The following EFCAB7 variants were observed in gnomAD, a reference collection of about 807,000 sequenced individuals.
EFCAB7 encodes the protein EF-hand calcium-binding domain-containing protein 7.
EFCAB7 carries 66 observed loss-of-function variants against 77.1 expected under a neutral mutation model. That is an observed-to-expected ratio of 0.86 (90% CI 0.70 to 1.05). EFCAB7 has a LOEUF of 1.05. EFCAB7 is among the 50% of genes least tolerant of loss of function. EFCAB7 has a pLI of 0.00. For missense variants in EFCAB7, 638 were observed against 730.5 expected, an observed-to-expected ratio of 0.87 and a Z score of 1.46; for synonymous variants, 225 against 243.3, an observed-to-expected ratio of 0.92 and a Z score of 0.70.
chr1:63,524,085 A>G (rs1646533419), intron 1 of EFCAB7, among the ~76,000 whole-genome samples: 1 of 152,184 alleles, frequency 6.6e-6, no homozygotes, highest in Non-Finnish European at 1.5e-5. Flanking sequence ...TTCTCGTCAC[A>G]GAAAGGAAAA....
intron 1 of EFCAB7, 35 bp from the exon 2 acceptor site, chr1:63,525,537 A>G (rs775096790): frequency 7.0e-7 from 1 of 1,422,130 alleles, no homozygotes; most frequent in Non-Finnish European, 9.2e-7. Flanking sequence ...AGTGACTCAC[A>G]TTGACAAACA....
the EFCAB7 span, among the ~76,000 whole-genome samples, chr1:63,585,089 T>C: frequency 6.6e-6 from 1 of 152,182 alleles, no homozygotes; most frequent in Non-Finnish European, 1.5e-5. Context: ...GTTATTTCTT[T>C]AAATGTTCAC....
At chr1:63,584,830 GT>G in the EFCAB7 span, among the ~76,000 whole-genome samples, 1 of 152,206 alleles carries the variant, frequency 6.6e-6, no homozygotes, top group Admixed American at 6.5e-5. Flanking sequence ...TAGTAGTTAA[GT>G]TTGGGGGGAG....
intron 8 of EFCAB7, among the ~76,000 whole-genome samples, chr1:63,554,469 A>G (rs1647004655): frequency 6.6e-6 from 1 of 152,144 alleles, no homozygotes; most frequent in African/African-American, 2.4e-5. Context: ...CCTCCCAAGT[A>G]GCTGGGATTA....
At chr1:63,572,196 C>T (rs1047041807) in intron 13 of EFCAB7, among the ~76,000 whole-genome samples, 1 of 152,166 alleles carries the variant, frequency 6.6e-6, no homozygotes, top group African/African-American at 2.4e-5. Flanking sequence ...CTCTTTCCAC[C>T]ACTCTTCTTT....
chr1:63,544,443 C>T (rs553654972), intron 6 of EFCAB7, among the ~76,000 whole-genome samples: 1 of 152,222 alleles, frequency 6.6e-6, no homozygotes, highest in South Asian at 2.1e-4. Flanking sequence ...GACAGAGTCT[C>T]ACTCTGTCAC....
In EFCAB7 at chr1:63,534,305, A is replaced by C. The variant is rs1646737741; in HGVS notation, c.804+89A>C. ...AACTGTGCAGTGTCTACAGGGAACCAGTAAAGTTTATGAAGTAATTTGAGG... is the reference window on the plus strand; with the variant it reads ...AACTGTGCAGTGTCTACAGGGAACCCGTAAAGTTTATGAAGTAATTTGAGG... On this transcript the variant is annotated intron_variant, in intron 6 of 13. Coordinates refer to ENST00000371088, the MANE Select transcript of EFCAB7 (RefSeq NM_032437.4). 2.6e-6 allele frequency: 3 copies of C among 1,141,860 alleles called. No individual in the cohort carries two copies. In the South Asian group the frequency reaches 5.6e-5, roughly 21 times the overall value. 70.7% of individuals were successfully genotyped at this position (1,141,860 alleles called of 1,614,324 possible).
At chr1:63,527,907 T>C (rs1254085000) in intron 2 of EFCAB7, 1 of 152,180 alleles carries the variant, frequency 6.6e-6, no homozygotes, top group Admixed American at 6.5e-5. Flanking sequence ...ACAGAAGATA[T>C]AATTTTCTTT....
chr1:63,569,109 A>C (rs1188173087), intron 12 of EFCAB7: 1 of 152,148 alleles, frequency 6.6e-6, no homozygotes, highest in Non-Finnish European at 1.5e-5. Flanking sequence ...AGAAATTATA[A>C]ATTTTCATAA....
chr1:63,577,690 G>C (rs1012340140), downstream of EFCAB7, among the ~76,000 whole-genome samples: 2 of 152,190 alleles, frequency 1.3e-5, no homozygotes, highest in African/African-American at 4.8e-5. Context: ...AGTAGTAGGT[G>C]TCATCTCTGT....
At chr1:63,571,880 A>C (rs777639302) in intron 13 of EFCAB7, among the ~76,000 whole-genome samples, 14 of 152,210 alleles carry the variant, frequency 9.2e-5, no homozygotes, top group South Asian at 8.3e-4. Context: ...CCTGAGAGGG[A>C]CAATGCCTCT....
At chr1:63,538,651 C>T (rs1180564109) in intron 6 of EFCAB7, among the ~76,000 whole-genome samples, 1 of 152,108 alleles carries the variant, frequency 6.6e-6, no homozygotes, top group Admixed American at 6.6e-5. Context: ...CAGGGTTTCA[C>T]CACATTGGCC....
In EFCAB7 at chr1:63,529,055, T is replaced by C. The variant is rs571243861; in HGVS notation, c.188-2765T>C. On this transcript the variant is annotated intron_variant, in intron 2 of 13. Coordinates refer to ENST00000371088, the MANE Select transcript of EFCAB7 (RefSeq NM_032437.4). ...TGGGGTTGGAATCCTAAAACACATA[T>C]TGCCATTTCTTTGATTCTGTAAACA... The C allele has an allele frequency of 1.3e-4, 20 of 152,296 alleles. No individual in the cohort carries two copies. The South Asian group carries it at 4.1e-3, about 32-fold the overall frequency. 9.4% of individuals were successfully genotyped at this position (152,296 alleles called of 1,614,324 possible). A position where few individuals can be genotyped will look rare whatever the true frequency, so the allele number is the denominator to read the frequency against.
chr1:63,578,108 T>C, the EFCAB7 span, among the ~76,000 whole-genome samples: 23,383 of 152,142 alleles, frequency 0.15, 2,239 homozygotes, highest in South Asian at 0.22. Flanking sequence ...GAAAAATGAA[T>C]GTGGGCTGGA....
intron 2 of EFCAB7, among the ~76,000 whole-genome samples, chr1:63,530,069 A>G (rs962698507): frequency 2.0e-5 from 3 of 152,186 alleles, no homozygotes; most frequent in Admixed American, 1.3e-4. Context: ...CTTTGGAACT[A>G]AAAAGTTTGT....
At chr1:63,532,111 A>G (rs1253228141) in intron 3 of EFCAB7, 80 bp downstream of exon 3, 9 of 1,015,000 alleles carry the variant, frequency 8.9e-6, no homozygotes, top group African/African-American at 8.2e-5. Context: ...CAAAGTCCAC[A>G]TTAAAAATAA....
downstream of EFCAB7, among the ~76,000 whole-genome samples, chr1:63,573,191 T>G (rs547353338): frequency 5.3e-5 from 8 of 152,030 alleles, no homozygotes; most frequent in African/African-American, 1.5e-4. Flanking sequence ...TATGGAGAGA[T>G]AATGCCGGGT....
intron 8 of EFCAB7, among the ~76,000 whole-genome samples, chr1:63,553,033 ATGAG>A (rs1646984741): frequency 6.6e-6 from 1 of 152,190 alleles, no homozygotes; most frequent in Admixed American, 6.5e-5. Flanking sequence ...TAGAGTTTGC[ATGAG>A]TTTCTATTTA....
intron 7 of EFCAB7, among the ~76,000 whole-genome samples, chr1:63,551,474 T>G (rs1355014790): frequency 6.6e-6 from 1 of 152,000 alleles, no homozygotes; most frequent in East Asian, 1.9e-4. Flanking sequence ...GCCTGTAGTC[T>G]CAGCTACTCA....
Sources: allele counts gnomAD v4.1 joint callset (sites outside exome capture counted in the v4.1 genomes callset), GRCh38; gene constraint gnomAD v4.1.1; transcripts MANE v1.5; gene names NCBI Gene and HGNC (gene_info 2026-07-23, HGNC 2026-07-21).